The following ANKFN1 variants were observed in gnomAD, a reference collection of about 807,000 sequenced individuals.
The protein encoded by ANKFN1 is ankyrin repeat and fibronectin type-III domain-containing protein 1.
A neutral mutation model predicts 108.7 loss-of-function variants in ANKFN1; 74 were observed. That is an observed-to-expected ratio of 0.68 (90% CI 0.56 to 0.83). ANKFN1 has a LOEUF of 0.83. Ranked by LOEUF, ANKFN1 falls within the 40% of genes least tolerant of loss-of-function variation. The pLI is 0.00. For synonymous variants in ANKFN1, 547 were observed against 516.2 expected, an observed-to-expected ratio of 1.06 and a Z score of -0.81; for missense variants, 1,505 against 1,382.3, an observed-to-expected ratio of 1.09 and a Z score of -1.41.
intron 3 of ANKFN1, among the ~76,000 whole-genome samples, chr17:56,246,067 A>T (rs1032121803): frequency 3.9e-5 from 6 of 152,142 alleles, no homozygotes; most frequent in Non-Finnish European, 8.8e-5. Context: ...CTGCAATCAA[A>T]GTTCCTCCTT....
At chr17:56,269,619 A>C (rs1202862577) in intron 3 of ANKFN1, among the ~76,000 whole-genome samples, 2 of 152,202 alleles carry the variant, frequency 1.3e-5, no homozygotes, top group African/African-American at 4.8e-5. Context: ...AAAGTCTGTG[A>C]ACTTCTTAAG....
At chr17:56,061,828 G>T (rs1466887464) in intron 4 of ANKFN1, among the ~76,000 whole-genome samples, 1 of 151,988 alleles carries the variant, frequency 6.6e-6, no homozygotes, top group Non-Finnish European at 1.5e-5. Context: ...GAGATGTTAG[G>T]GTGTTGATTT....
intron 4 of ANKFN1, among the ~76,000 whole-genome samples, chr17:56,120,178 T>C (rs1216334469): frequency 1.3e-5 from 2 of 152,172 alleles, no homozygotes; most frequent in African/African-American, 2.4e-5. Flanking sequence ...TCTACTCTTG[T>C]CATCATTGTC....
chr17:56,142,806 ACT>A (rs757406126), intron 4 of ANKFN1, among the ~76,000 whole-genome samples: 2 of 151,714 alleles, frequency 1.3e-5, no homozygotes, highest in East Asian at 1.9e-4. Context: ...GTTATTGTAG[ACT>A]CTCTGTAATT....
chr17:56,122,543 C>T (rs1253631572), intron 4 of ANKFN1, among the ~76,000 whole-genome samples: 1 of 151,986 alleles, frequency 6.6e-6, no homozygotes, highest in African/African-American at 2.4e-5. Flanking sequence ...ATTGTTCATC[C>T]CTGTCCACAT....
chr17:56,143,425 T>A (rs1908048493), intron 4 of ANKFN1, among the ~76,000 whole-genome samples: 2 of 152,176 alleles, frequency 1.3e-5, no homozygotes, highest in Admixed American at 1.3e-4. Flanking sequence ...ACTCCCCTTA[T>A]GAGCCACCTC....
chr17:56,441,956 A>G (rs973841268), intron 9 of ANKFN1, among the ~76,000 whole-genome samples: 8 of 152,054 alleles, frequency 5.3e-5, no homozygotes, highest in Admixed American at 2.6e-4. Flanking sequence ...GCAATGTTTC[A>G]TCAAATGCTG....
chr17:56,142,231 C>T (rs1306523140), intron 4 of ANKFN1, among the ~76,000 whole-genome samples: 1 of 152,050 alleles, frequency 6.6e-6, no homozygotes, highest in Non-Finnish European at 1.5e-5. Flanking sequence ...ACCTGGCCAG[C>T]TAGGGCTTAC....
At chr17:56,098,039 G>A (rs1227162419) in intron 4 of ANKFN1, among the ~76,000 whole-genome samples, 1 of 152,138 alleles carries the variant, frequency 6.6e-6, no homozygotes, top group Non-Finnish European at 1.5e-5. Flanking sequence ...GGCTCTAAAT[G>A]CCATCACAAT....
At chr17:56,167,316 C>T (rs1001912988) in intron 1 of ANKFN1, among the ~76,000 whole-genome samples, 13 of 75,744 alleles carry the variant, frequency 1.7e-4, no homozygotes, top group African/African-American at 5.2e-4. Context: ...CACACACACA[C>T]ACATATATAT....
At chr17:56,485,434 A>G (rs554703952) in intron 18 of ANKFN1, among the ~76,000 whole-genome samples, 139 of 152,284 alleles carry the variant, frequency 9.1e-4, no homozygotes, top group Non-Finnish European at 1.6e-3. Context: ...TGGCTAAGAG[A>G]TCAGCATATC....
At chr17:56,160,853 A>G (rs1909591900) in intron 1 of ANKFN1, among the ~76,000 whole-genome samples, 1 of 152,224 alleles carries the variant, frequency 6.6e-6, no homozygotes, top group Non-Finnish European at 1.5e-5. Context: ...GAGGTGAAGA[A>G]GGAATGATCA....
At chr17:56,380,450 G>A (rs2047063092) in intron 8 of ANKFN1, among the ~76,000 whole-genome samples, 1 of 152,206 alleles carries the variant, frequency 6.6e-6, no homozygotes, top group Non-Finnish European at 1.5e-5. Flanking sequence ...AGTGGGTGCA[G>A]TGCACCGTGC....
chr17:56,448,355 C>T (rs1416976213), intron 10 of ANKFN1, among the ~76,000 whole-genome samples: 2 of 151,790 alleles, frequency 1.3e-5, no homozygotes, highest in African/African-American at 4.8e-5. Context: ...GGTTATTACT[C>T]TTGATATCAT....
intron 3 of ANKFN1, among the ~76,000 whole-genome samples, chr17:56,284,351 C>T (rs1238920757): frequency 1.3e-5 from 2 of 152,148 alleles, no homozygotes; most frequent in African/African-American, 4.8e-5. Context: ...TTGTAACTCA[C>T]CTTTTAAAGT....
chr17:56,436,545 C>G (rs766880761), intron 8 of ANKFN1, among the ~76,000 whole-genome samples: 1 of 152,030 alleles, frequency 6.6e-6, no homozygotes, highest in Non-Finnish European at 1.5e-5. Flanking sequence ...CAGTTGCGGC[C>G]GGGCACGGTG....
chr17:56,491,901 C>T (rs2051051879), intron 18 of ANKFN1, among the ~76,000 whole-genome samples: 1 of 152,136 alleles, frequency 6.6e-6, no homozygotes, highest in Admixed American at 6.5e-5. Context: ...CACACACACT[C>T]AATCAGCCCC....
At chr17:56,368,190 G>A in intron 6 of ANKFN1, 1 of 1,292,028 alleles carries the variant, frequency 7.7e-7, no homozygotes, top group Non-Finnish European at 1.0e-6. Context: ...ATGAAGATCA[G>A]CATACACAAA....
chr17:56,113,854 AG>A (rs1906112961), intron 4 of ANKFN1, among the ~76,000 whole-genome samples: 1 of 63,760 alleles, frequency 1.6e-5, no homozygotes, highest in African/African-American at 1.7e-4. Context: ...TATGATTAGG[AG>A]AGATAGATGT....
Sources: allele counts gnomAD v4.1 joint callset (sites outside exome capture counted in the v4.1 genomes callset), GRCh38; gene constraint gnomAD v4.1.1; transcripts MANE v1.5; gene names NCBI Gene and HGNC (gene_info 2026-07-23, HGNC 2026-07-21).